Variants in JMJD1C observed in about 807,000 individuals in gnomAD.
JMJD1C encodes jumonji domain-containing protein 1C.
JMJD1C carries 31 observed loss-of-function variants against 245.3 expected under a neutral mutation model. That is an observed-to-expected ratio of 0.13 (90% confidence interval 0.09 to 0.17). The LOEUF is 0.17. Among genes scored for constraint, JMJD1C ranks in the 10% least tolerant of loss-of-function variants. The pLI is 1.00. For missense variants in JMJD1C, 2,691 were observed against 3,000.2 expected (o/e 0.90, Z 2.41); for synonymous variants, 1,057 against 1,017.4 (o/e 1.04, Z -0.74).
intron 1 of JMJD1C, among the ~76,000 whole-genome samples, chr10:63,433,141 G>A (rs1300457496): frequency 6.6e-6 from 1 of 151,562 alleles, no homozygotes; most frequent in African/African-American, 2.4e-5. Flanking sequence ...GCCCAGGCTG[G>A]AGTGCAATGC....
chr10:63,344,282 C>A (rs925971374), intron 2 of JMJD1C, among the ~76,000 whole-genome samples: 1 of 151,888 alleles, frequency 6.6e-6, no homozygotes, highest in African/African-American at 2.4e-5. Context: ...AAAAACTTAC[C>A]ATTGTGTTAC....
intron 2 of JMJD1C, among the ~76,000 whole-genome samples, chr10:63,369,416 T>G (rs767627231): frequency 3.9e-5 from 6 of 152,184 alleles, no homozygotes; most frequent in Non-Finnish European, 8.8e-5. Flanking sequence ...GTGCTGGGAT[T>G]ACAGGCGTTT....
At chr10:63,235,907 T>G (rs1370934265) in intron 3 of JMJD1C, among the ~76,000 whole-genome samples, 1 of 152,226 alleles carries the variant, frequency 6.6e-6, no homozygotes, top group African/African-American at 2.4e-5. Context: ...ATGACCCAAT[T>G]TATCCAATCA....
intron 10 of JMJD1C, chr10:63,204,707 C>A (rs977892745): frequency 4.1e-6 from 4 of 985,174 alleles, no homozygotes; most frequent in Admixed American, 6.2e-5. Flanking sequence ...GATGTTAATC[C>A]CCCTCTCTGT....
chr10:63,281,155 G>T (rs1857340275), intron 2 of JMJD1C, among the ~76,000 whole-genome samples: 1 of 134,538 alleles, frequency 7.4e-6, no homozygotes, highest in African/African-American at 3.0e-5. Context: ...TTTTGAGATG[G>T]AGTCTCGCTC....
chr10:63,520,569 G>A (rs79164260), intron 1 of JMJD1C, among the ~76,000 whole-genome samples: 99 of 151,022 alleles, frequency 6.6e-4, no homozygotes, highest in Admixed American at 3.0e-3. Context: ...GAACAGCAAG[G>A]TGTAAGCAGT....
intron 2 of JMJD1C, among the ~76,000 whole-genome samples, chr10:63,340,111 C>A (rs374083317): frequency 6.6e-6 from 1 of 152,228 alleles, no homozygotes; most frequent in Non-Finnish European, 1.5e-5. Flanking sequence ...CATCCCTAAT[C>A]TGAAAATCTG....
intron 1 of JMJD1C, among the ~76,000 whole-genome samples, chr10:63,501,518 C>T (rs554529721): frequency 6.0e-4 from 92 of 152,292 alleles, no homozygotes; most frequent in African/African-American, 2.1e-3. Flanking sequence ...TGGCTCACGC[C>T]TGTAATCCCA....
rs1564606460 is a variant in JMJD1C at position 63,207,460 on chromosome 10, GGCA to G, written c.4206_4208del (p.Ala1403del). 6.2e-7 allele frequency: 1 copy of G among 1,614,174 alleles called. No homozygotes were observed. The highest frequency in any genetic ancestry group is 1.3e-5 in the African/African-American group (1 of 75,050). On this transcript the variant is annotated inframe_deletion, in exon 10 of 26. Transcript: ENST00000399262. ...CCCAGCTGGAAACACTGGTAGTATCGGCAGCAGATGTGATTACATCCGTTTTGG... is the reference window on the plus strand; with the variant it reads ...CCCAGCTGGAAACACTGGTAGTATCGGCAGATGTGATTACATCCGTTTTGG...
chr10:63,298,294 C>T (rs539104871), intron 2 of JMJD1C, among the ~76,000 whole-genome samples: 6 of 152,202 alleles, frequency 3.9e-5, no homozygotes, highest in Non-Finnish European at 5.9e-5. Context: ...AACTCAAGCA[C>T]TGGTGCCACT....
intron 3 of JMJD1C, among the ~76,000 whole-genome samples, chr10:63,228,619 A>C (rs1343785195): frequency 6.6e-6 from 1 of 152,180 alleles, no homozygotes; most frequent in Non-Finnish European, 1.5e-5. Context: ...AAAACAGAAC[A>C]ACCAGTATGA....
chr10:63,225,977 T>C (rs1050417717), intron 3 of JMJD1C, among the ~76,000 whole-genome samples: 18 of 89,888 alleles, frequency 2.0e-4, no homozygotes, highest in African/African-American at 7.6e-4. Flanking sequence ...CTCAGGTTCT[T>C]CTCCCCCACC....
At chr10:63,293,590 T>C (rs1564745192) in intron 2 of JMJD1C, among the ~76,000 whole-genome samples, 1 of 152,276 alleles carries the variant, frequency 6.6e-6, no homozygotes, top group East Asian at 1.9e-4. Flanking sequence ...CATCCTACTT[T>C]TATAATCACA....
intron 24 of JMJD1C, among the ~76,000 whole-genome samples, chr10:63,175,031 G>A (rs558503396): frequency 8.6e-4 from 131 of 152,182 alleles, no homozygotes; most frequent in South Asian, 6.4e-3. Flanking sequence ...ACACTACCTA[G>A]GTTAACTTTA....
chr10:63,318,618 C>A (rs557569253), intron 2 of JMJD1C, among the ~76,000 whole-genome samples: 1 of 151,882 alleles, frequency 6.6e-6, no homozygotes, highest in Non-Finnish European at 1.5e-5. Context: ...AGAACTCTTA[C>A]GTAAGTTCAA....
intron 2 of JMJD1C, among the ~76,000 whole-genome samples, chr10:63,356,110 G>A (rs1273825926): frequency 6.6e-6 from 1 of 152,144 alleles, no homozygotes; most frequent in Non-Finnish European, 1.5e-5. Context: ...CTACATAGCA[G>A]CATATGGCAG....
chr10:63,511,562 T>G (rs1954872210), intron 1 of JMJD1C, among the ~76,000 whole-genome samples: 1 of 151,998 alleles, frequency 6.6e-6, no homozygotes. Flanking sequence ...ATACAAAAAT[T>G]AGCCGGGCGC....
In JMJD1C at chr10:63,465,476, G is replaced by A. The variant is rs768541846; in HGVS notation, c.168+19C>T. 1.4e-5 allele frequency: 22 copies of A among 1,584,228 alleles called. No individual in the cohort carries two copies. In the South Asian group the frequency reaches 1.9e-4, roughly 14 times the overall value. On this transcript the variant is annotated intron_variant, in intron 1 of 25. Transcript: ENST00000399262. ...GGTGCGGGCGCGGCAGGGGAAAAGG[G>A]GGGCGCTGACTCTCTTACCGCCAGG...
intron 2 of JMJD1C, among the ~76,000 whole-genome samples, chr10:63,327,152 A>G (rs1485114268): frequency 6.6e-6 from 1 of 152,130 alleles, no homozygotes; most frequent in Non-Finnish European, 1.5e-5. Context: ...GCACCACTGT[A>G]CTCCAGCGTG....
Sources: gnomAD v4.1 joint callset for allele counts (sites outside exome capture counted in the v4.1 genomes callset) on GRCh38, gnomAD v4.1.1 for gene constraint, MANE v1.5 for transcripts, NCBI Gene and HGNC (gene_info 2026-07-23, HGNC 2026-07-21) for gene names.